The following HELB variants were observed in gnomAD, a reference collection of about 807,000 sequenced individuals.
The protein encoded by HELB is DNA helicase B.
In HELB, 96 loss-of-function variants were observed where a neutral mutation model predicts 101.7. The ratio of observed to expected loss-of-function variants is 0.94; its 90% confidence interval spans 0.80 to 1.12. The LOEUF is 1.12. HELB is among the 50% of genes most tolerant of loss of function. The probability of loss-of-function intolerance (pLI) is 0.00; values close to 1 mark genes in which losing one functional copy is unlikely to be tolerated. For synonymous variants in HELB, 437 were observed against 459.7 expected (o/e 0.95, Z 0.63); for missense variants, 1,210 against 1,291.9 (o/e 0.94, Z 0.97).
intron 1 of HELB, 68 bp downstream of exon 1, chr12:66,302,858 G>T: frequency 2.1e-6 from 3 of 1,418,916 alleles, no homozygotes; most frequent in Non-Finnish European, 2.9e-6. Flanking sequence ...TTCTGGCTTT[G>T]CCCTGAGCAA....
intron 12 of HELB, among the ~76,000 whole-genome samples, chr12:66,333,690 C>A (rs1364396637): frequency 6.6e-6 from 1 of 151,728 alleles, no homozygotes; most frequent in South Asian, 2.1e-4. Context: ...ATCTCAAAAA[C>A]AAAACAAAAC....
chr12:66,315,510 A>G, intron 6 of HELB, 127 bp downstream of exon 6: 2 of 571,328 alleles, frequency 3.5e-6, no homozygotes, highest in Non-Finnish European at 5.4e-6. Flanking sequence ...TCCATCCTTC[A>G]ACTATAAACC....
downstream of HELB, chr12:66,342,289 C>A (rs1010809941): frequency 1.3e-5 from 2 of 151,824 alleles, no homozygotes; most frequent in African/African-American, 2.4e-5. Context: ...TATCTTGGTA[C>A]CCTTCTCAAA....
chr12:66,306,336 AT>A lies in HELB; in HGVS notation c.608-8del, dbSNP rs1565635164. ...ATGTTTTACTTTGTTCCTTTCTGAT[AT>A]CTTGTAGTTCCATTTAGAAATGTAA... is the stretch of plus-strand genomic sequence containing the variant. On this transcript the variant is annotated splice_polypyrimidine_tract_variant and splice_region_variant and intron_variant, in intron 2 of 12. Coordinates refer to ENST00000247815, the MANE Select transcript of HELB (RefSeq NM_001370285.1). The A allele has an allele frequency of 1.3e-6, 2 of 1,551,098 alleles. No homozygotes were observed. The highest frequency in any genetic ancestry group is 4.7e-5 in the East Asian group (2 of 42,924).
rs542129515 is a variant in HELB at position 66,308,812 on chromosome 12, C to T, written c.778-894C>T. Among the ~76,000 whole-genome samples the T allele has an allele frequency of 5.9e-5, 9 of 152,140 alleles. No homozygotes were observed. The South Asian group carries it at 1.9e-3, about 32-fold the overall frequency. On this transcript the variant is annotated intron_variant, in intron 3 of 12. Coordinates refer to ENST00000247815, the MANE Select transcript of HELB (RefSeq NM_001370285.1). Reference sequence around the variant, plus strand: ...TTAACCTTAATTACCTCTTTAAAACCCTGTCTCCAAATATAGTCACATTCT... The same window carrying T: ...TTAACCTTAATTACCTCTTTAAAACTCTGTCTCCAAATATAGTCACATTCT...
Position 66,331,189 on chromosome 12 carries a change from G to A in HELB, c.2706G>A (p.Gly902=), listed in dbSNP as rs532796415. 1 of 1,611,800 alleles carries A rather than the reference G, an allele frequency of 6.2e-7. No individual in the cohort carries two copies. Among genetic ancestry groups the A allele is most frequent in the East Asian group, 2.2e-5 (1 of 44,840 alleles). Residue 902 remains glycine (G), a synonymous_variant, in exon 12 of 13, where the codon GGG becomes GGA. Transcript: ENST00000247815. ...AGCAAACAGTTGTCTATGTGGTGGG[G>A]AAGGCGGGCCGCCAGCACTGGCAGC... The part of the protein sequence containing the change: ...SEEQTVVYVV[G]KAGRQHWQHV...
Position 66,310,562 on chromosome 12 carries a change from GCTTA to G in HELB, c.1637_1640del (p.Leu546Ter). ...ACAGCACCTACAGGGAAAGCAGCTG[GCTTA>G]CTAAGACAGAAAACTGGTCTTCATG... On this transcript the variant is annotated frameshift_variant, in exon 4 of 13. Transcript: ENST00000247815. LOFTEE classifies it high-confidence loss of function. The G allele has an allele frequency of 6.2e-7, 1 of 1,614,074 alleles. No individual in the cohort carries two copies. Among genetic ancestry groups the G allele is most frequent in the Non-Finnish European group, 8.5e-7 (1 of 1,179,988 alleles).
chr12:66,309,952 G>A lies in HELB; in HGVS notation c.1024G>A (p.Gly342Ser). The change falls in exon 4 of 13, where the codon GGT (glycine) becomes AGT (serine). Residue 342 changes from glycine (G) to serine (S), a missense_variant. Physicochemically the swap from Gly to Ser is moderately conservative, Grantham distance 56. Coordinates refer to ENST00000247815, the MANE Select transcript of HELB (RefSeq NM_001370285.1). ...SESLKFLKDI[G>S]VVTYEKSCVF... is the part of the protein sequence containing the mutation. ...GTCTCTGAAGTTTTTGAAGGATATT[G>A]GTGTGGTGACATATGAGAAGTCCTG... 3 of 1,614,168 alleles carry A rather than the reference G, an allele frequency of 1.9e-6. No individual in the cohort carries two copies. The highest frequency in any genetic ancestry group is 2.5e-6 in the Non-Finnish European group (3 of 1,180,020).
At chr12:66,340,722 A>C (rs2053912313), downstream of HELB, 1 of 162,290 alleles carries the variant, frequency 6.2e-6, no homozygotes, top group African/African-American at 2.4e-5. Context: ...TCAGAACTGA[A>C]GAACTTGGAG....
At chr12:66,305,182 G>A (rs1458021216) in intron 2 of HELB, 32 bp downstream of exon 2, 2 of 1,253,836 alleles carry the variant, frequency 1.6e-6, no homozygotes, top group Admixed American at 2.3e-5. Flanking sequence ...AACTTTCAGT[G>A]TAATTGACAT....
rs1423031609 is a variant in HELB at position 66,309,905 on chromosome 12, TG to T, written c.978del (p.Met326IlefsTer10). 1 of 1,614,108 alleles carries T rather than the reference TG, an allele frequency of 6.2e-7. No homozygotes were observed. Among genetic ancestry groups the T allele is most frequent in the African/African-American group, 1.3e-5 (1 of 74,952 alleles). On this transcript the variant is annotated frameshift_variant, in exon 4 of 13. Transcript: ENST00000247815. LOFTEE classifies it high-confidence loss of function. ...TTAACTTTGACATTGTCAAATCATA[TG>T]TCATTTCATGCTGCTTCAGAGTCTC... ...NDLTLTLSNH[M>X]SFHAASESLK...
chr12:66,305,483 G>A (rs919539678), intron 2 of HELB, among the ~76,000 whole-genome samples: 2 of 152,116 alleles, frequency 1.3e-5, no homozygotes, highest in Admixed American at 6.5e-5. Flanking sequence ...AGCTGCTCAC[G>A]TCTGTAATCC....
intron 1 of HELB, among the ~76,000 whole-genome samples, chr12:66,303,741 T>C (rs1277955069): frequency 1.3e-5 from 2 of 152,216 alleles, no homozygotes; most frequent in Non-Finnish European, 2.9e-5. Flanking sequence ...CGGGTAAACC[T>C]TGTATAAGTA....
rs536366226 is a variant in HELB, at chr12:66,327,154, C to T, written c.2670+2028C>T. 2.0e-5 allele frequency among the ~76,000 whole-genome samples: 3 copies of T among 146,786 alleles called. No individual in the cohort carries two copies. The South Asian group carries it at 6.4e-4, about 31-fold the overall frequency. ...GTTCTTGCCAGGGGTGGTTGGAATG[C>T]AGCCATGCCCGCTTCCCTGTTTGCT... On this transcript the variant is annotated intron_variant, in intron 11 of 12. Transcript: ENST00000247815.
intron 4 of HELB, among the ~76,000 whole-genome samples, chr12:66,311,431 C>A (rs968221965): frequency 1.3e-5 from 2 of 152,166 alleles, no homozygotes; most frequent in Non-Finnish European, 2.9e-5. Context: ...CACTGCACTC[C>A]AGCCTGGGTG....
At chr12:66,330,756 ATATC>A (rs1362294762) in intron 11 of HELB, among the ~76,000 whole-genome samples, 1 of 149,746 alleles carries the variant, frequency 6.7e-6, no homozygotes, top group African/African-American at 2.4e-5. Flanking sequence ...TATATATAAT[ATATC>A]TATATGTTTA....
intron 3 of HELB, among the ~76,000 whole-genome samples, chr12:66,307,254 T>G (rs2053487634): frequency 6.6e-6 from 1 of 152,198 alleles, no homozygotes; most frequent in Non-Finnish European, 1.5e-5. Flanking sequence ...TGTCTATGAA[T>G]TCAGTATGCT....
intron 7 of HELB, among the ~76,000 whole-genome samples, chr12:66,320,608 T>C (rs1383891352): frequency 2.6e-5 from 4 of 152,208 alleles, no homozygotes; most frequent in African/African-American, 9.6e-5. Flanking sequence ...GAATGTACTT[T>C]TAAAAAAAAT....
intron 4 of HELB, 52 bp from the exon 5 acceptor site, chr12:66,313,934 G>T: frequency 3.3e-6 from 5 of 1,515,932 alleles, no homozygotes; most frequent in Non-Finnish European, 3.6e-6. Flanking sequence ...ATTAATTTTT[G>T]GTTTTGTAGA....
Sources: gnomAD v4.1 joint callset for allele counts (sites outside exome capture counted in the v4.1 genomes callset) on GRCh38, gnomAD v4.1.1 for gene constraint, MANE v1.5 for transcripts, NCBI Gene and HGNC (gene_info 2026-07-23, HGNC 2026-07-21) for gene names.